Variants in FYB1 observed in about 807,000 individuals in gnomAD.
The protein encoded by FYB1 is FYN-binding protein 1.
In FYB1, 41 loss-of-function variants were observed where a neutral mutation model predicts 94.1. The observed-to-expected ratio is 0.44, with a 90% CI of 0.34 to 0.57. The LOEUF (loss-of-function observed/expected upper bound fraction) is 0.57. Ranked by LOEUF, FYB1 falls within the 20% of genes least tolerant of loss-of-function variation. The pLI is 0.02. For synonymous variants in FYB1, 367 were observed against 353.2 expected (o/e 1.04, Z -0.44); for missense variants, 1,050 against 976.8 (o/e 1.07, Z -1.00).
At chr5:39,250,299 T>G (rs955112803) in intron 1 of FYB1, among the ~76,000 whole-genome samples, 4 of 152,268 alleles carry the variant, frequency 2.6e-5, no homozygotes, top group Non-Finnish European at 4.4e-5. Context: ...TGGTGCCTTG[T>G]GTGTTACCAA....
intron 1 of FYB1, 131 bp from the exon 2 acceptor site, chr5:39,203,118 C>T: frequency 1.4e-6 from 1 of 713,886 alleles, no homozygotes; most frequent in Non-Finnish European, 2.3e-6. Context: ...GATATTGTAA[C>T]ATTTATCTTC....
chr5:39,148,397 T>TTTTTTTG (rs1436915106), intron 3 of FYB1, among the ~76,000 whole-genome samples: 9 of 103,012 alleles, frequency 8.7e-5, no homozygotes, highest in African/African-American at 4.4e-4. Context: ...TTTTTTTTTT[T>TTTTTTTG]TTTTTTTTTT....
At chr5:39,259,844 T>C (rs1206200122) in intron 1 of FYB1, among the ~76,000 whole-genome samples, 1 of 151,946 alleles carries the variant, frequency 6.6e-6, no homozygotes, top group Admixed American at 6.6e-5. Context: ...ACTCAAGAAA[T>C]AGGATAAAAT....
rs34670303 is a variant in FYB1, at chr5:39,150,782, C to T, written c.1292+2666G>A. On this transcript the variant is annotated intron_variant, in intron 3 of 18. Coordinates refer to ENST00000512982, the MANE Select transcript of FYB1 (RefSeq NM_001465.6). ...CCACCTCCACTGTTCCCATCATGGT[C>T]AGTGCTACTGCATACCTTGCCTGCA... Among the ~76,000 whole-genome samples, 1,335 of 152,356 alleles carry T rather than the reference C, an allele frequency of 8.8e-3. 12 individuals are homozygous for T. The highest frequency in any genetic ancestry group is 0.011 in the Non-Finnish European group (775 of 68,028).
At chr5:39,204,290 A>G (rs1748646993) in intron 1 of FYB1, among the ~76,000 whole-genome samples, 1 of 152,170 alleles carries the variant, frequency 6.6e-6, no homozygotes, top group Admixed American at 6.5e-5. Context: ...ATCCCGTCTC[A>G]TTCTTACAGT....
At position 39,202,148 on chromosome 5, in the gene FYB1, T is replaced by C; in HGVS notation, c.813A>G (p.Gly271=). ...GVVLKPAASR[G]GPGLSKNGEE... ...CACCATTTTTGGAGAGACCTGGGCC[T>C]CCCCTGCTCGCAGCAGGTTTCAAAA... The change falls in exon 2 of 19, where the codon GGA becomes GGG. Residue 271 remains glycine, a synonymous_variant. Transcript: ENST00000512982. 1.9e-6 allele frequency: 3 copies of C among 1,613,904 alleles called. No individual in the cohort carries two copies. Among genetic ancestry groups the C allele is most frequent in the Non-Finnish European group, 2.5e-6 (3 of 1,179,836 alleles).
intron 2 of FYB1, among the ~76,000 whole-genome samples, chr5:39,163,549 G>A (rs766850575): frequency 3.3e-5 from 5 of 152,128 alleles, no homozygotes; most frequent in Non-Finnish European, 7.4e-5. Context: ...TTTTTCAACA[G>A]TTAAAAATTC....
chr5:39,261,175 G>C (rs1310382278), intron 1 of FYB1, among the ~76,000 whole-genome samples: 1 of 151,908 alleles, frequency 6.6e-6, no homozygotes, highest in Non-Finnish European at 1.5e-5. Context: ...AGGGCCTGTT[G>C]GGGGATGGGG....
At chr5:39,137,450 C>T (rs540349257) in intron 7 of FYB1, 150 bp downstream of exon 7, 3 of 869,024 alleles carry the variant, frequency 3.5e-6, no homozygotes, top group Admixed American at 3.5e-5. Flanking sequence ...GTGTATTGGA[C>T]AAAAAAGTAC....
At chr5:39,189,575 T>G (rs1202902553) in intron 2 of FYB1, among the ~76,000 whole-genome samples, 1 of 152,160 alleles carries the variant, frequency 6.6e-6, no homozygotes, top group Non-Finnish European at 1.5e-5. Flanking sequence ...TGAACTATTC[T>G]GAGTAATAAA....
At chr5:39,182,128 G>A (rs534803666) in intron 2 of FYB1, among the ~76,000 whole-genome samples, 58 of 151,990 alleles carry the variant, frequency 3.8e-4, no homozygotes, top group East Asian at 7.7e-4. Context: ...TATAAGGTTC[G>A]GTTCCTGCCT....
chr5:39,108,233 T>A lies in FYB1; in HGVS notation c.2465A>T (p.Asp822Val). 1 of 1,525,904 alleles carries A rather than the reference T, an allele frequency of 6.6e-7. No individual in the cohort carries two copies. The highest frequency in any genetic ancestry group is 8.9e-7 in the Non-Finnish European group (1 of 1,126,940). 94.5% of individuals were successfully genotyped at this position (1,525,904 alleles called of 1,614,324 possible). The change falls in exon 18 of 19, where the codon GAT becomes GTT. Residue 822 changes from aspartate to valine, a missense_variant and splice_region_variant. Physicochemically the swap from Asp to Val is radical, Grantham distance 152 (BLOSUM62 -3). Coordinates refer to ENST00000512982, the MANE Select transcript of FYB1 (RefSeq NM_001465.6). ...NDGEIYDDIA[D>V]GCIYDND ...GGGTGGTACTACATAAGACTTACCATCAGCAATATCATCATAGATCTCTCC... is the reference window on the plus strand; with the variant it reads ...GGGTGGTACTACATAAGACTTACCAACAGCAATATCATCATAGATCTCTCC...
At chr5:39,252,545 C>G (rs1751771645) in intron 1 of FYB1, among the ~76,000 whole-genome samples, 1 of 152,100 alleles carries the variant, frequency 6.6e-6, no homozygotes, top group African/African-American at 2.4e-5. Flanking sequence ...TTAAAAAGGT[C>G]AAAGCATATG....
Position 39,125,981 on chromosome 5 carries a change from G to T in FYB1, c.2045+17C>A, listed in dbSNP as rs755916583. ...AGTGTAGTTATTGTACACTGGATTTGGTTGGTTGACTCTTACGATGAACCT... is the reference window on the plus strand; with the variant it reads ...AGTGTAGTTATTGTACACTGGATTTTGTTGGTTGACTCTTACGATGAACCT... On this transcript the variant is annotated intron_variant, in intron 12 of 18. Coordinates refer to ENST00000512982, the MANE Select transcript of FYB1 (RefSeq NM_001465.6). 9 of 1,611,258 alleles carry T rather than the reference G, an allele frequency of 5.6e-6. No homozygotes were observed. The highest frequency in any genetic ancestry group is 2.2e-5 in the South Asian group (2 of 90,920).
intron 1 of FYB1, among the ~76,000 whole-genome samples, chr5:39,254,739 C>A (rs989135416): frequency 7.9e-5 from 12 of 152,076 alleles, no homozygotes; most frequent in African/African-American, 2.9e-4. Context: ...GAAAATGCAT[C>A]TGAAAACTAA....
chr5:39,132,908 A>C (rs1434440626), intron 9 of FYB1, among the ~76,000 whole-genome samples: 6 of 152,190 alleles, frequency 3.9e-5, no homozygotes, highest in Non-Finnish European at 7.3e-5. Context: ...TGGCCTCAAA[A>C]CTGGCATTTA....
chr5:39,147,091 T>G (rs1742725287), intron 3 of FYB1, among the ~76,000 whole-genome samples: 2 of 152,138 alleles, frequency 1.3e-5, no homozygotes, highest in Admixed American at 1.3e-4. Context: ...AAAAAGAAGC[T>G]TATCAGTTAT....
chr5:39,188,813 G>A (rs1366751938), intron 2 of FYB1, among the ~76,000 whole-genome samples: 1 of 152,148 alleles, frequency 6.6e-6, no homozygotes, highest in African/African-American at 2.4e-5. Flanking sequence ...GACTACTAGC[G>A]TGAGCCACTG....
At position 39,257,563 on chromosome 5, in the gene FYB1, CTT is replaced by C. The variant is rs761626096; in HGVS notation, c.-28+16838_-28+16839del. ...TAAACTTAACAAGTAGGTATAGTGA[CTT>C]ATCGCTTTTTACATATGGAGAAATT... On this transcript the variant is annotated intron_variant, in intron 1 of 1. Coordinates refer to the FYB1 transcript ENST00000510188. Among the ~76,000 whole-genome samples the C allele has an allele frequency of 3.1e-4, 47 of 152,096 alleles. No individual in the cohort carries two copies. The South Asian group carries it at 3.5e-3, about 11-fold the overall frequency.
Sources: allele counts gnomAD v4.1 joint callset (sites outside exome capture counted in the v4.1 genomes callset), GRCh38; gene constraint gnomAD v4.1.1; transcripts MANE v1.5; gene names NCBI Gene and HGNC (gene_info 2026-07-23, HGNC 2026-07-21).